Variants in FHIT observed in about 807,000 individuals in gnomAD.
FHIT encodes fragile histidine triad diadenosine triphosphatase, also known as bis(5'-adenosyl)-triphosphatase.
Under a neutral mutation model 17.9 loss-of-function variants are expected in FHIT, and 19 were observed. The ratio of observed to expected loss-of-function variants is 1.06; its 90% CI spans 0.74 to 1.56. The LOEUF (loss-of-function observed/expected upper bound fraction) is 1.56, where lower values mean the gene tolerates loss of function less well. Among genes scored for constraint, FHIT ranks in the 40% most tolerant of loss-of-function variants. The probability of loss-of-function intolerance (pLI) is 0.00; values close to 1 mark genes in which losing one functional copy is unlikely to be tolerated. For missense variants in FHIT, 248 were observed against 189.2 expected (o/e 1.31, Z -1.82); for synonymous variants, 81 against 69.7 (o/e 1.16, Z -0.81).
chr3:59,981,791 C>A (rs577039165), intron 7 of FHIT, among the ~76,000 whole-genome samples: 1 of 152,154 alleles, frequency 6.6e-6, no homozygotes, highest in East Asian at 1.9e-4. Context: ...GAAATGCACA[C>A]AAAAGCCTTT....
chr3:60,911,823 G>C (rs114252913), intron 3 of FHIT, among the ~76,000 whole-genome samples: 2,768 of 152,258 alleles, frequency 0.018, 36 homozygotes, highest in South Asian at 0.059. Flanking sequence ...CTGAAGCAAA[G>C]GGAGGGGGTA....
chr3:60,873,976 A>C (rs1704532864), intron 3 of FHIT, among the ~76,000 whole-genome samples: 1 of 152,136 alleles, frequency 6.6e-6, no homozygotes. Flanking sequence ...AAATATCACT[A>C]TTTATATGGT....
At chr3:60,627,890 TAA>T (rs1221595773) in intron 4 of FHIT, among the ~76,000 whole-genome samples, 1 of 152,190 alleles carries the variant, frequency 6.6e-6, no homozygotes, top group Non-Finnish European at 1.5e-5. Context: ...TCAGTCTAGG[TAA>T]AGTTTTCTCT....
intron 5 of FHIT, among the ~76,000 whole-genome samples, chr3:60,249,099 T>TA (rs1705552664): frequency 6.6e-6 from 1 of 152,170 alleles, no homozygotes; most frequent in Non-Finnish European, 1.5e-5. Context: ...TTCTATTAAG[T>TA]ATATTTGCAT....
chr3:60,772,975 C>A (rs1700096273), intron 4 of FHIT, among the ~76,000 whole-genome samples: 2 of 152,136 alleles, frequency 1.3e-5, no homozygotes, highest in Non-Finnish European at 2.9e-5. Context: ...CGCCTTCGCC[C>A]AAACTACCTT....
intron 5 of FHIT, among the ~76,000 whole-genome samples, chr3:60,109,173 A>G (rs1364628661): frequency 6.6e-6 from 1 of 152,146 alleles, no homozygotes; most frequent in African/African-American, 2.4e-5. Flanking sequence ...ATAAAATGAA[A>G]ATGCTGTTTC....
At chr3:60,428,277 C>G (rs1402705581) in intron 5 of FHIT, among the ~76,000 whole-genome samples, 1 of 152,126 alleles carries the variant, frequency 6.6e-6, no homozygotes, top group African/African-American at 2.4e-5. Context: ...TAACATCTAT[C>G]TCACAGGGCT....
chr3:60,785,144 T>A (rs1036664484), intron 4 of FHIT, among the ~76,000 whole-genome samples: 1 of 152,162 alleles, frequency 6.6e-6, no homozygotes, highest in African/African-American at 2.4e-5. Context: ...ACAGAGCAGA[T>A]AACTAAAGCT....
chr3:59,773,778 A>T (rs1349467658), intron 8 of FHIT, among the ~76,000 whole-genome samples: 1 of 152,114 alleles, frequency 6.6e-6, no homozygotes, highest in Non-Finnish European at 1.5e-5. Context: ...ATCCCAAATG[A>T]TTCCTCAATA....
chr3:60,605,119 G>A (rs797026655), intron 4 of FHIT, among the ~76,000 whole-genome samples: 2 of 152,158 alleles, frequency 1.3e-5, no homozygotes, highest in Non-Finnish European at 2.9e-5. Context: ...CACAGAGAGA[G>A]AGAGAGAGAG....
intron 5 of FHIT, among the ~76,000 whole-genome samples, chr3:60,261,035 C>T (rs187826108): frequency 1.2e-4 from 19 of 152,166 alleles, no homozygotes; most frequent in African/African-American, 4.6e-4. Context: ...ATGAATAATC[C>T]ACCCCTTGTT....
At chr3:60,440,112 T>C (rs923318245) in intron 5 of FHIT, among the ~76,000 whole-genome samples, 1 of 152,092 alleles carries the variant, frequency 6.6e-6, no homozygotes, top group Non-Finnish European at 1.5e-5. Flanking sequence ...GCATTGTCCA[T>C]TAGCAAGTCA....
chr3:60,201,174 A>G (rs1043728676), intron 5 of FHIT, among the ~76,000 whole-genome samples: 18 of 152,134 alleles, frequency 1.2e-4, no homozygotes, highest in African/African-American at 4.3e-4. Context: ...ACCACTATGT[A>G]TAACAACACG....
At chr3:60,045,444 T>C (rs1209702180) in intron 5 of FHIT, among the ~76,000 whole-genome samples, 3 of 152,088 alleles carry the variant, frequency 2.0e-5, no homozygotes, top group Admixed American at 2.0e-4. Flanking sequence ...TCAGATCTTA[T>C]GAGACTCACC....
intron 1 of FHIT, among the ~76,000 whole-genome samples, chr3:61,211,371 G>A (rs556484872): frequency 3.9e-5 from 6 of 152,342 alleles, no homozygotes; most frequent in Admixed American, 3.9e-4. Flanking sequence ...CTGGCTCGAA[G>A]GGTCCTATGC....
intron 8 of FHIT, among the ~76,000 whole-genome samples, chr3:59,853,049 A>T (rs1702004825): frequency 6.6e-6 from 1 of 152,196 alleles, no homozygotes; most frequent in South Asian, 2.1e-4. Flanking sequence ...CAAGGAATAC[A>T]ACTGCTGGAT....
chr3:59,880,942 T>C (rs956819287), intron 8 of FHIT, among the ~76,000 whole-genome samples: 6 of 152,178 alleles, frequency 3.9e-5, no homozygotes, highest in Admixed American at 3.9e-4. Flanking sequence ...TGCCAATAAA[T>C]ACAGTCACTT....
intron 8 of FHIT, among the ~76,000 whole-genome samples, chr3:59,787,735 GT>G (rs1699374689): frequency 6.6e-6 from 1 of 152,148 alleles, no homozygotes; most frequent in Non-Finnish European, 1.5e-5. Context: ...ACCCAATGAT[GT>G]AGGCACTACT....
intron 5 of FHIT, among the ~76,000 whole-genome samples, chr3:60,115,120 T>A (rs1034130562): frequency 6.6e-5 from 10 of 152,198 alleles, no homozygotes; most frequent in African/African-American, 1.9e-4. Context: ...TGGATTAAAA[T>A]AGATTTTAAG....
Sources: gnomAD v4.1 joint callset for allele counts (sites outside exome capture counted in the v4.1 genomes callset) on GRCh38, gnomAD v4.1.1 for gene constraint, MANE v1.5 for transcripts, NCBI Gene and HGNC (gene_info 2026-07-23, HGNC 2026-07-21) for gene names.